CTIF: variants seen among roughly 807,000 people sequenced by gnomAD.
CTIF encodes the protein cap binding complex dependent translation initiation factor.
Under a neutral mutation model 66.0 loss-of-function variants are expected in CTIF, and 21 were observed. The ratio of observed to expected loss-of-function variants is 0.32; its 90% CI spans 0.23 to 0.46. The LOEUF (loss-of-function observed/expected upper bound fraction) is 0.46, where lower values mean the gene tolerates loss of function less well. CTIF is among the 20% of genes least tolerant of loss of function. The pLI is 1.00. For synonymous variants in CTIF, 345 were observed against 326.4 expected (o/e 1.06, Z -0.62); for missense variants, 739 against 812.7 (o/e 0.91, Z 1.10).
chr18:48,550,231 T>C (rs2088851044), intron 1 of CTIF, among the ~76,000 whole-genome samples: 1 of 152,180 alleles, frequency 6.6e-6, no homozygotes, highest in Admixed American at 6.5e-5. Context: ...GTAGGCAGAA[T>C]TGTCCAGAGG....
intron 3 of CTIF, among the ~76,000 whole-genome samples, chr18:48,643,874 C>G (rs1297531357): frequency 6.6e-6 from 1 of 152,178 alleles, no homozygotes; most frequent in African/African-American, 2.4e-5. Flanking sequence ...TCAGAGGTCA[C>G]CTGATCCAAG....
intron 9 of CTIF, among the ~76,000 whole-genome samples, chr18:48,805,320 C>T (rs1248029014): frequency 6.6e-6 from 1 of 151,898 alleles, no homozygotes; most frequent in African/African-American, 2.4e-5. Context: ...AGGAACTACC[C>T]AAGGCCAGGT....
At chr18:48,581,622 A>C (rs1034188427) in intron 1 of CTIF, among the ~76,000 whole-genome samples, 3 of 151,874 alleles carry the variant, frequency 2.0e-5, no homozygotes, top group Admixed American at 1.3e-4. Context: ...GGGTCCCCCC[A>C]CCCCTGTCCA....
chr18:48,755,379 ACT>A (rs1334382767), intron 7 of CTIF, among the ~76,000 whole-genome samples: 5 of 151,764 alleles, frequency 3.3e-5, no homozygotes, highest in Non-Finnish European at 5.9e-5. Context: ...GTTGCCTTAC[ACT>A]CTGCAGAATG....
chr18:48,755,143 G>A, intron 7 of CTIF, among the ~76,000 whole-genome samples: 1 of 152,202 alleles, frequency 6.6e-6, no homozygotes, highest in East Asian at 1.9e-4. Flanking sequence ...TTCTAAATAA[G>A]GATGACGAAA....
chr18:48,810,791 T>C (rs1309663370), intron 9 of CTIF, among the ~76,000 whole-genome samples: 1 of 151,754 alleles, frequency 6.6e-6, no homozygotes, highest in East Asian at 1.9e-4. Flanking sequence ...ACATTTTGTG[T>C]TATCTCTTTA....
At chr18:48,819,196 T>C (rs1168988321) in intron 10 of CTIF, among the ~76,000 whole-genome samples, 3 of 152,210 alleles carry the variant, frequency 2.0e-5, no homozygotes, top group Non-Finnish European at 4.4e-5. Context: ...ATTCAGACAA[T>C]GGCCTCTCCT....
chr18:48,809,217 T>A (rs940871906), intron 9 of CTIF, among the ~76,000 whole-genome samples: 2 of 152,214 alleles, frequency 1.3e-5, no homozygotes, highest in African/African-American at 4.8e-5. Context: ...TGTATTAATT[T>A]TGTATCTAAA....
intron 7 of CTIF, among the ~76,000 whole-genome samples, chr18:48,730,824 G>T (rs377519336): frequency 2.0e-5 from 3 of 150,700 alleles, no homozygotes; most frequent in African/African-American, 4.9e-5. Flanking sequence ...GCAGTGTGAG[G>T]GGCTTCCGTG....
At chr18:48,547,754 C>T (rs2088786031) in intron 1 of CTIF, among the ~76,000 whole-genome samples, 1 of 152,208 alleles carries the variant, frequency 6.6e-6, no homozygotes, top group African/African-American at 2.4e-5. Context: ...CAGCCAACTT[C>T]TGTCCTAACT....
At position 48,860,205 on chromosome 18, in the gene CTIF, G is replaced by A. The variant is rs542820183; in HGVS notation, c.*646G>A. 6.8e-5 allele frequency: 23 copies of A among 338,478 alleles called. No individual in the cohort carries two copies. The highest frequency in any genetic ancestry group is 1.9e-4 in the Admixed American group (5 of 25,954). 21.0% of individuals were successfully genotyped at this position (338,478 alleles called of 1,614,324 possible). A position where few individuals can be genotyped will look rare whatever the true frequency, so the allele number is the denominator to read the frequency against. On this transcript the variant is annotated 3_prime_UTR_variant, in exon 12 of 12. Coordinates refer to ENST00000256413, the MANE Select transcript of CTIF (RefSeq NM_014772.3). Reference sequence around the variant, plus strand: ...CAGCCTCAGGCCTAGGGGGTCAGGCGCAGCGGGGGAGATGGAGTTTGCAGT... The same window carrying A: ...CAGCCTCAGGCCTAGGGGGTCAGGCACAGCGGGGGAGATGGAGTTTGCAGT...
At chr18:48,813,406 A>G (rs757860472) in intron 9 of CTIF, among the ~76,000 whole-genome samples, 1 of 152,218 alleles carries the variant, frequency 6.6e-6, no homozygotes, top group Non-Finnish European at 1.5e-5. Flanking sequence ...AGTTTTCACG[A>G]CACTGCTCCT....
At chr18:48,819,119 T>C (rs1449094726) in intron 10 of CTIF, among the ~76,000 whole-genome samples, 1 of 152,208 alleles carries the variant, frequency 6.6e-6, no homozygotes, top group African/African-American at 2.4e-5. Flanking sequence ...CCCATGAGCC[T>C]CTGCCACTCC....
At chr18:48,785,501 C>A (rs1911626929) in intron 9 of CTIF, among the ~76,000 whole-genome samples, 2 of 152,184 alleles carry the variant, frequency 1.3e-5, no homozygotes, top group Non-Finnish European at 2.9e-5. Flanking sequence ...CTGCCCCCTG[C>A]CTACCTGAAG....
intron 6 of CTIF, among the ~76,000 whole-genome samples, chr18:48,672,793 C>A (rs1395928966): frequency 6.6e-6 from 1 of 152,140 alleles, no homozygotes; most frequent in Non-Finnish European, 1.5e-5. Flanking sequence ...GCCCAGACCC[C>A]CATCTCCGGC....
At chr18:48,608,939 T>C (rs575463948) in intron 1 of CTIF, among the ~76,000 whole-genome samples, 1 of 152,346 alleles carries the variant, frequency 6.6e-6, no homozygotes, top group South Asian at 2.1e-4. Context: ...ATGCCCTTTC[T>C]AGCCTTACCC....
At chr18:48,744,918 A>G (rs7227088) in intron 7 of CTIF, among the ~76,000 whole-genome samples, 110,793 of 151,616 alleles carry the variant, frequency 0.73, 40,806 homozygotes, top group East Asian at 0.85. Flanking sequence ...CGCCTCCCGG[A>G]TTCATGCCAT....
At chr18:48,845,876 C>T (rs1418731144) in intron 10 of CTIF, among the ~76,000 whole-genome samples, 2 of 152,194 alleles carry the variant, frequency 1.3e-5, no homozygotes, top group East Asian at 3.8e-4. Flanking sequence ...TGCCTCTTAA[C>T]ATATTCTGCC....
At chr18:48,743,921 A>G (rs1400140131) in intron 7 of CTIF, among the ~76,000 whole-genome samples, 2 of 152,246 alleles carry the variant, frequency 1.3e-5, no homozygotes, top group African/African-American at 4.8e-5. Context: ...AAAAATAAGA[A>G]TAATGAGAAT....
Sources: allele counts gnomAD v4.1 joint callset (sites outside exome capture counted in the v4.1 genomes callset), GRCh38; gene constraint gnomAD v4.1.1; transcripts MANE v1.5; gene names NCBI Gene and HGNC (gene_info 2026-07-23, HGNC 2026-07-21).